The following EXO1 variants were observed in gnomAD, a reference collection of about 807,000 sequenced individuals.
The protein encoded by EXO1 is exonuclease 1.
A neutral mutation model predicts 84.5 loss-of-function variants in EXO1; 69 were observed. The ratio of observed to expected loss-of-function variants is 0.82; its 90% confidence interval spans 0.67 to 1.00. EXO1 has a LOEUF of 1.00. Ranked by LOEUF, EXO1 falls within the 50% of genes least tolerant of loss-of-function variation. EXO1 has a pLI of 0.00. For missense variants in EXO1, 1,045 were observed against 1,000.7 expected, an observed-to-expected ratio of 1.04 and a Z score of -0.60; for synonymous variants, 373 against 366.1, an observed-to-expected ratio of 1.02 and a Z score of -0.21.
intron 10 of EXO1, among the ~76,000 whole-genome samples, chr1:241,865,846 C>G (rs1194264634): frequency 1.3e-5 from 2 of 152,098 alleles, no homozygotes; most frequent in Non-Finnish European, 1.5e-5. Context: ...TATATTCGTT[C>G]CCTCAATTAA....
At chr1:241,855,357 T>G (rs944208511) in intron 6 of EXO1, among the ~76,000 whole-genome samples, 2 of 152,114 alleles carry the variant, frequency 1.3e-5, no homozygotes, top group African/African-American at 2.4e-5. Flanking sequence ...ACAGAGTGTC[T>G]ATTGGTGCAT....
At chr1:241,881,871 A>C (rs1662774269) in intron 13 of EXO1, 45 bp from the exon 14 acceptor site, 3 of 944,172 alleles carry the variant, frequency 3.2e-6, no homozygotes, top group Admixed American at 1.9e-5. Flanking sequence ...AAAATTCTAC[A>C]GTAAAAATCT....
chr1:241,881,180 A>G (rs1031619296), intron 13 of EXO1, among the ~76,000 whole-genome samples: 2 of 152,098 alleles, frequency 1.3e-5, no homozygotes, highest in Non-Finnish European at 2.9e-5. Context: ...GGCATGTGCC[A>G]CCATGCCCGG....
chr1:241,853,331 T>C lies in EXO1; in HGVS notation c.282-27T>C, dbSNP rs148384257. On this transcript the variant is annotated intron_variant, in intron 5 of 15. Coordinates refer to ENST00000366548, the MANE Select transcript of EXO1 (RefSeq NM_130398.4). The stretch of plus-strand genomic sequence containing the variant: ...TTGAGTCAGCCTCTTAAATGTTTTA[T>C]ATTTAAAAAATGTTCTTCCCTTGCA... 1.5e-3 allele frequency: 2,400 copies of C among 1,611,150 alleles called. 26 individuals are homozygous for C. The African/African-American group carries it at 0.024, about 16-fold the overall frequency.
intron 11 of EXO1, among the ~76,000 whole-genome samples, chr1:241,868,239 G>A (rs567346036): frequency 6.6e-6 from 1 of 152,132 alleles, no homozygotes; most frequent in Admixed American, 6.6e-5. Flanking sequence ...AGCCAGGCAT[G>A]GTGGCACACA....
upstream of EXO1, chr1:241,848,050 T>C (rs930321055): frequency 6.6e-6 from 1 of 152,266 alleles, no homozygotes; most frequent in Non-Finnish European, 1.5e-5. This position sits in a 1 kb window ranked among gnomAD's most constrained non-coding sequence, Gnocchi z 4.2. Context: ...TGCAGTCGTA[T>C]GGCAGTGAGC....
intron 10 of EXO1, 31 bp from the exon 11 acceptor site, chr1:241,866,799 G>C: frequency 6.9e-7 from 1 of 1,445,058 alleles, no homozygotes; most frequent in East Asian, 2.3e-5. Flanking sequence ...TTTTCTTTCT[G>C]CAAATAATCT....
At position 241,867,060 on chromosome 1, in the gene EXO1, G is replaced by A. The variant is rs767938801; in HGVS notation, c.1267+5G>A. The A allele has an allele frequency of 1.6e-5, 25 of 1,605,918 alleles. No individual in the cohort carries two copies. Among genetic ancestry groups the A allele is most frequent in the Admixed American group, 8.3e-5 (5 of 59,994 alleles). On this transcript the variant is annotated splice_donor_5th_base_variant and intron_variant, in intron 11 of 15. Transcript: ENST00000366548. Reference sequence around the variant, plus strand: ...TTGTGAAAAGACCAAGAAGTGGTACGTATTTCAGTTTTGCAAAATGCTGGT... The same window carrying A: ...TTGTGAAAAGACCAAGAAGTGGTACATATTTCAGTTTTGCAAAATGCTGGT...
At chr1:241,888,409 AC>A (rs1558150962) in intron 15 of EXO1, among the ~76,000 whole-genome samples, 3 of 151,488 alleles carry the variant, frequency 2.0e-5, no homozygotes, top group African/African-American at 7.3e-5. Context: ...GTGTGATGCC[AC>A]TGTCTTGATT....
intron 6 of EXO1, among the ~76,000 whole-genome samples, chr1:241,856,631 T>C (rs1364300276): frequency 6.6e-6 from 1 of 152,152 alleles, no homozygotes; most frequent in East Asian, 1.9e-4. Context: ...CTTTCGTAGC[T>C]TGACAGGACA....
rs747820116 is a variant in EXO1, at chr1:241,885,516, CCTTGTTT to C, written c.2405+13_2405+19del. 1.9e-6 allele frequency: 3 copies of C among 1,594,164 alleles called. No homozygotes were observed. The highest frequency in any genetic ancestry group is 2.7e-5 in the African/African-American group (2 of 74,538). The stretch of plus-strand genomic sequence containing the variant: ...AACTTTGGATTTAAAAAGTGAGTTG[CCTTGTTT>C]CTTATTCTGAAACAAGATAAACTGT... On this transcript the variant is annotated intron_variant, in intron 15 of 15. Coordinates refer to ENST00000366548, the MANE Select transcript of EXO1 (RefSeq NM_130398.4).
intron 15 of EXO1, among the ~76,000 whole-genome samples, chr1:241,888,736 C>T (rs1450057114): frequency 2.6e-5 from 4 of 152,084 alleles, no homozygotes; most frequent in Non-Finnish European, 4.4e-5. Context: ...TAGATAGCTT[C>T]CTTCCAGAAA....
chr1:241,861,438 CA>C lies in EXO1; in HGVS notation c.978del (p.Gly328GlufsTer5). On this transcript the variant is annotated frameshift_variant, in exon 10 of 16. Coordinates refer to ENST00000366548, the MANE Select transcript of EXO1 (RefSeq NM_130398.4). LOFTEE classifies it high-confidence loss of function. ...YVDDSIALQI[A>X]LGNKDINTFE... ...GATGATTCCATAGCTCTTCAAATAG[CA>C]CTTGGAAATAAAGATATAAATACTT... 1.3e-6 allele frequency: 2 copies of C among 1,575,402 alleles called. No individual in the cohort carries two copies. The highest frequency in any genetic ancestry group is 1.7e-6 in the Non-Finnish European group (2 of 1,144,746).
chr1:241,855,218 T>C (rs1212374722), intron 6 of EXO1, among the ~76,000 whole-genome samples: 1 of 152,178 alleles, frequency 6.6e-6, no homozygotes, highest in Non-Finnish European at 1.5e-5. Context: ...TGGTCTGTTT[T>C]GACAGGGTGC....
intron 12 of EXO1, among the ~76,000 whole-genome samples, chr1:241,876,701 G>A (rs1662423567): frequency 6.6e-6 from 1 of 152,094 alleles, no homozygotes; most frequent in Admixed American, 6.5e-5. Context: ...ACATAGGATT[G>A]CTGCTATCTT....
chr1:241,865,169 C>T (rs542410766), intron 10 of EXO1, among the ~76,000 whole-genome samples: 51 of 124,248 alleles, frequency 4.1e-4, no homozygotes, highest in African/African-American at 1.2e-3. Flanking sequence ...CCACACCTGG[C>T]CACAGCATTA....
In EXO1 at chr1:241,850,540, G is replaced by C; in HGVS notation, c.115G>C (p.Ala39Pro). The change falls in exon 4 of 16, where the codon GCT becomes CCT. Residue 39 changes from alanine to proline, a missense_variant. Transcript: ENST00000366548. The part of the protein sequence containing the change: ...VDTYCWLHKG[A>P]IACAEKLAKG... Reference sequence around the variant, plus strand: ...TACATATTGCTGGCTTCACAAAGGAGCTATTGCTTGTGCTGAAAAACTAGC... The same window carrying C: ...TACATATTGCTGGCTTCACAAAGGACCTATTGCTTGTGCTGAAAAACTAGC... The C allele has an allele frequency of 6.2e-7, 1 of 1,614,024 alleles. No individual in the cohort carries two copies. The highest frequency in any genetic ancestry group is 1.1e-5 in the South Asian group (1 of 91,084).
intron 11 of EXO1, among the ~76,000 whole-genome samples, chr1:241,869,100 C>A (rs995123800): frequency 6.6e-6 from 1 of 152,136 alleles, no homozygotes; most frequent in Non-Finnish European, 1.5e-5. Context: ...GTATAAGAAT[C>A]TAAGCTTGTT....
At chr1:241,852,475 T>C in intron 5 of EXO1, 64 bp downstream of exon 5, 6 of 1,465,636 alleles carry the variant, frequency 4.1e-6, no homozygotes, top group South Asian at 2.3e-5. Context: ...GTAGTCTATA[T>C]GATACCAATT....
Sources: allele counts gnomAD v4.1 joint callset (sites outside exome capture counted in the v4.1 genomes callset), GRCh38; gene constraint gnomAD v4.1.1; non-coding constraint Gnocchi (gnomAD v3.1); transcripts MANE v1.5; gene names NCBI Gene and HGNC (gene_info 2026-07-23, HGNC 2026-07-21).